The following DLG4 variants were observed in gnomAD, a reference collection of about 807,000 sequenced individuals.
The protein encoded by DLG4 is disks large homolog 4.
In DLG4, 7 loss-of-function variants were observed where a neutral mutation model predicts 93.8. That is an observed-to-expected ratio of 0.07 (90% CI 0.04 to 0.14). The LOEUF (loss-of-function observed/expected upper bound fraction) is 0.14. Ranked by LOEUF, DLG4 falls within the 10% of genes least tolerant of loss-of-function variation. The pLI is 1.00. For missense variants in DLG4, 545 were observed against 992.9 expected (o/e 0.55, Z 6.06); for synonymous variants, 341 against 387.6 (o/e 0.88, Z 1.41).
In DLG4 at chr17:7,193,412, C is replaced by T; in HGVS notation, c.1693+71G>A. 1 of 1,420,202 alleles carries T rather than the reference C, an allele frequency of 7.0e-7. No individual in the cohort carries two copies. The highest frequency in any genetic ancestry group is 9.4e-7 in the Non-Finnish European group (1 of 1,062,084). 88.0% of individuals were successfully genotyped at this position (1,420,202 alleles called of 1,614,324 possible). On this transcript the variant is annotated intron_variant, in intron 16 of 19. Coordinates refer to ENST00000399506, the MANE Select transcript of DLG4 (RefSeq NM_001321075.3). This position sits in a 1 kb window ranked among gnomAD's most constrained non-coding sequence, Gnocchi z 6.7. ...ATCCCCCAGGAGGCTCTGCCTATGGCCCCAGGGATGGGCCTCCCCTGCCCC... is the reference window on the plus strand; with the variant it reads ...ATCCCCCAGGAGGCTCTGCCTATGGTCCCAGGGATGGGCCTCCCCTGCCCC...
chr17:7,190,234 T>C lies in DLG4; in HGVS notation c.*474A>G, dbSNP rs2069416426. On this transcript the variant is annotated 3_prime_UTR_variant, in exon 20 of 20. Coordinates refer to ENST00000399506, the MANE Select transcript of DLG4 (RefSeq NM_001321075.3). ...GAAGAAAAAAAGTGGAAAAAATAAATGAGAAATCAAGGAACATGGGGAATT... is the reference window on the plus strand; with the variant it reads ...GAAGAAAAAAAGTGGAAAAAATAAACGAGAAATCAAGGAACATGGGGAATT... The C allele has an allele frequency of 6.5e-6, 1 of 153,958 alleles. No homozygotes were observed. The highest frequency in any genetic ancestry group is 2.4e-5 in the African/African-American group (1 of 41,272). 9.5% of individuals were successfully genotyped at this position (153,958 alleles called of 1,614,324 possible).
intron 2 of DLG4, 155 bp from the exon 3 acceptor site, chr17:7,204,407 C>T (rs927665154): frequency 3.0e-6 from 2 of 667,574 alleles, no homozygotes; most frequent in African/African-American, 1.8e-5. Flanking sequence ...CCTCAATCCA[C>T]ATCACACACA....
chr17:7,219,913 C>CCAGACGTGGGCGTG, upstream of DLG4: 1 of 677,066 alleles, frequency 1.5e-6, no homozygotes, highest in South Asian at 2.2e-5. Flanking sequence ...GTTAGGGGCG[C>CCAGACGTGGGCGTG]CAGGACGTGG....
Position 7,187,767 on chromosome 17 carries a change from G to C in DLG4, c.*2941C>G, listed in dbSNP as rs2069332612. 6.6e-6 allele frequency among the ~76,000 whole-genome samples: 1 copy of C among 151,488 alleles called. No individual in the cohort carries two copies. The highest frequency in any genetic ancestry group is 2.4e-5 in the African/African-American group (1 of 41,210). ...TTACACAGAACCAAGCTAAGAGAAG[G>C]ATTATTTGAAAAACATCAGGGCCAG... is the stretch of plus-strand genomic sequence containing the variant. On this transcript the variant is annotated 3_prime_UTR_variant, in exon 20 of 20. Coordinates refer to ENST00000399506, the MANE Select transcript of DLG4 (RefSeq NM_001321075.3).
rs572626756 is a variant in DLG4, at chr17:7,189,212, C to T, written c.*1496G>A. Among the ~76,000 whole-genome samples the T allele has an allele frequency of 6.6e-6, 1 of 151,864 alleles. No individual in the cohort carries two copies. Among genetic ancestry groups the T allele is most frequent in the South Asian group, 2.1e-4 (1 of 4,814 alleles). On this transcript the variant is annotated 3_prime_UTR_variant, in exon 20 of 20. Transcript: ENST00000399506. ...GAACTCTGTAAAGATCATTTCCAGG[C>T]CAGGCGCGGTGGCTCACGCCTGTAA... is the stretch of plus-strand genomic sequence containing the variant.
chr17:7,211,713 G>C (rs1423585324), intron 1 of DLG4: 2 of 905,994 alleles, frequency 2.2e-6, no homozygotes, highest in African/African-American at 1.9e-5. Context: ...GAAGGGGAGG[G>C]GGACTGAGGG....
In DLG4 at chr17:7,196,387, CT is replaced by C. The variant is rs1202959401; in HGVS notation, c.1187-54del. ...CTCTGTCCCCATCCTACTGTCACCC[CT>C]GTCCTCCCCTACTGAAGCCATCAGC... is the stretch of plus-strand genomic sequence containing the variant. On this transcript the variant is annotated intron_variant, in intron 10 of 19. Coordinates refer to ENST00000399506, the MANE Select transcript of DLG4 (RefSeq NM_001321075.3). The surrounding 1 kb of genome is among the most constrained non-coding windows in gnomAD (Gnocchi z 8.3). 4.4e-6 allele frequency: 7 copies of C among 1,608,776 alleles called. No individual in the cohort carries two copies. The highest frequency in any genetic ancestry group is 8.5e-7 in the Non-Finnish European group (1 of 1,175,352).
At chr17:7,220,020 G>T, upstream of DLG4, 1 of 1,605,278 alleles carries the variant, frequency 6.2e-7, no homozygotes, top group Non-Finnish European at 8.5e-7. Flanking sequence ...GCTTGGGGCG[G>T]CAGCTGCTGA....
chr17:7,198,946 G>A (rs982822123), intron 8 of DLG4, among the ~76,000 whole-genome samples: 2 of 151,944 alleles, frequency 1.3e-5, no homozygotes, highest in African/African-American at 4.8e-5. Flanking sequence ...AGCCCAGGAG[G>A]CGGAAGTTGC....
chr17:7,201,825 C>T (rs1334864884), intron 8 of DLG4, among the ~76,000 whole-genome samples: 1 of 152,072 alleles, frequency 6.6e-6, no homozygotes, highest in Non-Finnish European at 1.5e-5. Context: ...AGGTTGCAGT[C>T]AGCTGAGATC....
Position 7,190,795 on chromosome 17 carries a change from G to A in DLG4, c.2088C>T (p.Ser696=). The A allele has an allele frequency of 6.2e-7, 1 of 1,613,414 alleles. No homozygotes were observed. The highest frequency in any genetic ancestry group is 1.3e-5 in the African/African-American group (1 of 74,890). ...TCACCTTGTGGTAGATCTCCTCAAA[G>A]CTGTCACCCTCCACGATGGCTGGGA... is the stretch of plus-strand genomic sequence containing the variant. ...ECFSAIVEGD[S]FEEIYHKVKR... Residue 696 remains serine, a synonymous_variant, in exon 20 of 20, where the codon AGC becomes AGT. Coordinates refer to ENST00000399506, the MANE Select transcript of DLG4 (RefSeq NM_001321075.3).
Position 7,191,574 on chromosome 17 carries a change from T to C in DLG4, c.1977-216A>G. On this transcript the variant is annotated intron_variant, in intron 18 of 19. Coordinates refer to ENST00000399506, the MANE Select transcript of DLG4 (RefSeq NM_001321075.3). This position sits in a 1 kb window ranked among gnomAD's most constrained non-coding sequence, Gnocchi z 6.6. Reference sequence around the variant, plus strand: ...GCCAGGTGTGGCTACTCCAGGGACATCTACGGAGCTTCATCCTTCCAGCCT... The same window carrying C: ...GCCAGGTGTGGCTACTCCAGGGACACCTACGGAGCTTCATCCTTCCAGCCT... 1.7e-6 allele frequency: 1 copy of C among 584,826 alleles called. No individual in the cohort carries two copies. Among genetic ancestry groups the C allele is most frequent in the Non-Finnish European group, 3.0e-6 (1 of 329,844 alleles). 36.2% of individuals were successfully genotyped at this position (584,826 alleles called of 1,614,324 possible). A position where few individuals can be genotyped will look rare whatever the true frequency, so the allele number is the denominator to read the frequency against.
rs535269489 is a variant in DLG4, at chr17:7,196,143, C to T, written c.1301+77G>A. On this transcript the variant is annotated intron_variant, in intron 11 of 19. Transcript: ENST00000399506. The surrounding 1 kb of genome is among the most constrained non-coding windows in gnomAD (Gnocchi z 8.3). ...GAGCAGGCAGGGTGGAGAAGAGGAGCGGCTGAGGCCCGGGCCAGGCACAGA... is the reference window on the plus strand; with the variant it reads ...GAGCAGGCAGGGTGGAGAAGAGGAGTGGCTGAGGCCCGGGCCAGGCACAGA... The T allele has an allele frequency of 6.4e-5, 70 of 1,094,682 alleles. No individual in the cohort carries two copies. Among genetic ancestry groups the T allele is most frequent in the South Asian group, 1.1e-4 (8 of 71,854 alleles). 67.8% of individuals were successfully genotyped at this position (1,094,682 alleles called of 1,614,324 possible).
intron 2 of DLG4, 61 bp from the exon 3 acceptor site, chr17:7,204,313 ACGGAGGGTCCCATCAG>A: frequency 1.3e-6 from 2 of 1,487,698 alleles, no homozygotes; most frequent in Non-Finnish European, 1.8e-6. Context: ...GGAGCCCATA[ACGGAGGGTCCCATCAG>A]CGTGGCTACC....
chr17:7,189,009 G>A lies in DLG4; in HGVS notation c.*1699C>T, dbSNP rs950325892. ...CGCCTGTAATCCCAGCTATTCGAGA[G>A]GCTGAGGCAGGAGAACCGTGTGAAC... On this transcript the variant is annotated 3_prime_UTR_variant, in exon 20 of 20. Transcript: ENST00000399506. Among the ~76,000 whole-genome samples, 3 of 151,540 alleles carry A rather than the reference G, an allele frequency of 2.0e-5. No individual in the cohort carries two copies. Among genetic ancestry groups the A allele is most frequent in the African/African-American group, 7.3e-5 (3 of 41,174 alleles).
chr17:7,193,981 A>G lies in DLG4; in HGVS notation c.1498T>C (p.Ser500Pro). 1 of 1,613,618 alleles carries G rather than the reference A, an allele frequency of 6.2e-7. No homozygotes were observed. Among genetic ancestry groups the G allele is most frequent in the Non-Finnish European group, 8.5e-7 (1 of 1,179,784 alleles). ...CCACCTACCTTGGCCTTTAACCTTG[A>G]CCACTCTCGTCGCTCAACCCTGTGG... ...SKRRVERREW[S>P]RLKAKDWGSS... The change falls in exon 13 of 20, where the codon TCA (serine) becomes CCA (proline). Residue 500 changes from serine to proline, a missense_variant. Coordinates refer to ENST00000399506, the MANE Select transcript of DLG4 (RefSeq NM_001321075.3). This position sits in a 1 kb window ranked among gnomAD's most constrained non-coding sequence, Gnocchi z 6.7.
upstream of DLG4, chr17:7,217,699 T>G (rs1298739002): frequency 1.2e-5 from 19 of 1,531,278 alleles, no homozygotes; most frequent in Non-Finnish European, 1.7e-5. Flanking sequence ...CAGAGTTAAC[T>G]CCTTCTGTGC....
chr17:7,217,174 G>A lies in DLG4; in HGVS notation c.-27C>T, dbSNP rs1555526472. ...TTGGGGGGCCTGGCCGCGGCGGCGG[G>A]TAAGGGGCTCTGACTTCATCGGAGT... On this transcript the variant is annotated 5_prime_UTR_variant, in exon 1 of 20. Coordinates refer to ENST00000399506, the MANE Select transcript of DLG4 (RefSeq NM_001321075.3). The A allele has an allele frequency of 2.3e-6, 3 of 1,283,716 alleles. No homozygotes were observed. The highest frequency in any genetic ancestry group is 3.0e-6 in the Non-Finnish European group (3 of 1,010,912). 79.5% of individuals were successfully genotyped at this position (1,283,716 alleles called of 1,614,324 possible). A position where few individuals can be genotyped will look rare whatever the true frequency, so the allele number is the denominator to read the frequency against.
intron 8 of DLG4, among the ~76,000 whole-genome samples, chr17:7,201,980 C>G (rs948685995): frequency 6.6e-6 from 1 of 152,222 alleles, no homozygotes; most frequent in African/African-American, 2.4e-5. Flanking sequence ...GATAACTAGT[C>G]TTCACCATCT....
Sources: allele counts gnomAD v4.1 joint callset (sites outside exome capture counted in the v4.1 genomes callset), GRCh38; gene constraint gnomAD v4.1.1; non-coding constraint Gnocchi (gnomAD v3.1); transcripts MANE v1.5; gene names NCBI Gene and HGNC (gene_info 2026-07-23, HGNC 2026-07-21).